ZNF563: variants seen among roughly 807,000 people sequenced by gnomAD.
ZNF563 encodes the protein zinc finger protein 563.
ZNF563 carries 39 observed loss-of-function variants against 48.5 expected under a neutral mutation model. That is an observed-to-expected ratio of 0.80 (90% CI 0.62 to 1.05). The LOEUF is 1.05. ZNF563 is among the 50% of genes least tolerant of loss of function. ZNF563 has a pLI of 0.00. For missense variants in ZNF563, 538 were observed against 597.0 expected, an observed-to-expected ratio of 0.90 and a Z score of 1.03; for synonymous variants, 168 against 187.9, an observed-to-expected ratio of 0.89 and a Z score of 0.87.
Position 12,322,692 on chromosome 19 carries a change from T to A in ZNF563, c.23A>T (p.Asp8Val), listed in dbSNP as rs1225444162. The change falls in exon 2 of 4, where the codon GAT (aspartate) becomes GTT (valine). Residue 8 changes from aspartate to valine, a missense_variant. Coordinates refer to ENST00000293725, the MANE Select transcript of ZNF563 (RefSeq NM_145276.3). MDAVAFE[D>V]VAVNFTQEEW... is the part of the protein sequence containing the mutation. The stretch of plus-strand genomic sequence containing the variant: ...CTCCTGGGTGAAGTTCACAGCCACA[T>A]CCTCAAAGGCCACTGCGTCCTGAAA... 1 of 1,607,250 alleles carries A rather than the reference T, an allele frequency of 6.2e-7. No individual in the cohort carries two copies. The highest frequency in any genetic ancestry group is 1.1e-5 in the South Asian group (1 of 90,836).
At chr19:12,321,780 G>T (rs914103883) in intron 2 of ZNF563, among the ~76,000 whole-genome samples, 2 of 152,036 alleles carry the variant, frequency 1.3e-5, no homozygotes, top group Admixed American at 1.3e-4. Flanking sequence ...TGTTTGAACT[G>T]CACAGCTCCA....
Position 12,333,487 on chromosome 19 carries a change from C to T in ZNF563, c.-5G>A, listed in dbSNP as rs1053728221. On this transcript the variant is annotated 5_prime_UTR_variant, in exon 1 of 4. Coordinates refer to ENST00000293725, the MANE Select transcript of ZNF563 (RefSeq NM_145276.3). ...CTGACCCTGCACACGCACCATTTCCCGGCTTCCGGGATGTTCCAGGGTCCT... is the reference window on the plus strand; with the variant it reads ...CTGACCCTGCACACGCACCATTTCCTGGCTTCCGGGATGTTCCAGGGTCCT... 2 of 1,613,310 alleles carry T rather than the reference C, an allele frequency of 1.2e-6. No homozygotes were observed. The highest frequency in any genetic ancestry group is 4.5e-5 in the East Asian group (2 of 44,788).
upstream of ZNF563, among the ~76,000 whole-genome samples, chr19:12,334,373 G>A (rs77088790): frequency 1.0e-2 from 1,518 of 152,078 alleles, 30 homozygotes; most frequent in African/African-American, 0.035. Context: ...CCATTCAGGA[G>A]GCTAAACATA....
rs1162506823 is a variant in ZNF563, at chr19:12,319,669, T to C, written c.356A>G (p.Asn119Ser). The C allele has an allele frequency of 3.7e-6, 6 of 1,614,202 alleles. No individual in the cohort carries two copies. The highest frequency in any genetic ancestry group is 2.2e-5 in the East Asian group (1 of 44,884). ...EEVIMGHLSL[N>S]SHIRVDSGHK... ...TCCAGAATCAACTCTGATGTGGCTA[T>C]TAAGGGATAAATGACCCATTATGAC... The change falls in exon 4 of 4, where the codon AAT (asparagine) becomes AGT (serine). Residue 119 changes from asparagine to serine, a missense_variant. Physicochemically the swap from Asn to Ser is conservative, Grantham distance 46. Transcript: ENST00000293725.
Position 12,319,483 on chromosome 19 carries a change from C to T in ZNF563, c.542G>A (p.Arg181His), listed in dbSNP as rs756158317. The change falls in exon 4 of 4, where the codon CGT becomes CAT. Residue 181 changes from arginine to histidine, a missense_variant. Coordinates refer to ENST00000293725, the MANE Select transcript of ZNF563 (RefSeq NM_145276.3). ...CKECGKTFSSRRNLRRHMVVQ... is the reference protein window; with the variant it reads ...CKECGKTFSSHRNLRRHMVVQ... Reference sequence around the variant, plus strand: ...TACCATGTGTCTTCGAAGGTTTCTACGAGAACTGAAGGTTTTTCCACATTC... The same window carrying T: ...TACCATGTGTCTTCGAAGGTTTCTATGAGAACTGAAGGTTTTTCCACATTC... The T allele has an allele frequency of 2.7e-5, 44 of 1,614,058 alleles. No individual in the cohort carries two copies. Among genetic ancestry groups the T allele is most frequent in the East Asian group, 6.7e-5 (3 of 44,900 alleles).
chr19:12,325,316 C>T (rs1036911932), intron 1 of ZNF563, among the ~76,000 whole-genome samples: 2 of 152,010 alleles, frequency 1.3e-5, no homozygotes, highest in African/African-American at 4.8e-5. Flanking sequence ...CCCGTCTCTA[C>T]TAAAAATATA....
chr19:12,329,535 C>G (rs1008538446), intron 1 of ZNF563, among the ~76,000 whole-genome samples: 10 of 150,970 alleles, frequency 6.6e-5, no homozygotes, highest in Non-Finnish European at 1.2e-4. Context: ...CTGAAAAGAT[C>G]TGTAAAACTG....
At chr19:12,334,316 A>C (rs1392487148), upstream of ZNF563, among the ~76,000 whole-genome samples, 1 of 152,234 alleles carries the variant, frequency 6.6e-6, no homozygotes, top group African/African-American at 2.4e-5. Context: ...AAAAACTTGA[A>C]CTAGTGCAGA....
the ZNF563 span, among the ~76,000 whole-genome samples, chr19:12,341,049 TA>T: frequency 1.3e-5 from 2 of 152,148 alleles, no homozygotes; most frequent in Admixed American, 1.3e-4. Context: ...TAAAACCTAT[TA>T]TTTTTATTTA....
chr19:12,343,791 C>T, the ZNF563 span, among the ~76,000 whole-genome samples: 1 of 135,832 alleles, frequency 7.4e-6, no homozygotes, highest in East Asian at 2.2e-4. Context: ...AGTACAGTGG[C>T]GCGATCTTGG....
chr19:12,328,290 T>C (rs1343682102), intron 1 of ZNF563, among the ~76,000 whole-genome samples: 2 of 152,004 alleles, frequency 1.3e-5, no homozygotes, highest in Non-Finnish European at 2.9e-5. Context: ...CTGAGCAACA[T>C]AGTGAGACCT....
upstream of ZNF563, among the ~76,000 whole-genome samples, chr19:12,335,486 G>A (rs1214133957): frequency 1.3e-5 from 2 of 152,182 alleles, no homozygotes; most frequent in Non-Finnish European, 2.9e-5. Flanking sequence ...AAGATGAATC[G>A]TCTTGGGCCA....
chr19:12,338,851 TCAAAA>T, the ZNF563 span, among the ~76,000 whole-genome samples: 9,161 of 151,588 alleles, frequency 0.06, 626 homozygotes, highest in African/African-American at 0.17. Context: ...AGACTCCATC[TCAAAA>T]CAAAACAAAA....
At chr19:12,335,689 T>C (rs28405745), upstream of ZNF563, among the ~76,000 whole-genome samples, 7,416 of 152,288 alleles carry the variant, frequency 0.049, 598 homozygotes, top group African/African-American at 0.17. Flanking sequence ...TGCCTCATAC[T>C]GAGAAGGAAG....
At chr19:12,342,653 G>T in the ZNF563 span, among the ~76,000 whole-genome samples, 2 of 151,378 alleles carry the variant, frequency 1.3e-5, no homozygotes, top group African/African-American at 4.9e-5. Context: ...TGCACCTATA[G>T]CCCCAATTAC....
At chr19:12,342,478 C>CAAA in the ZNF563 span, among the ~76,000 whole-genome samples, 16 of 144,138 alleles carry the variant, frequency 1.1e-4, no homozygotes, top group African/African-American at 3.8e-4. Flanking sequence ...TCAAAAAAAA[C>CAAA]AAAAAAAAAA....
the ZNF563 span, among the ~76,000 whole-genome samples, chr19:12,343,738 T>C: frequency 6.9e-6 from 1 of 145,390 alleles, no homozygotes; most frequent in Non-Finnish European, 1.5e-5. Flanking sequence ...TTTTTTTTTT[T>C]TTTTTTTTTT....
At position 12,319,193 on chromosome 19, in the gene ZNF563, C is replaced by T. The variant is rs772146150; in HGVS notation, c.832G>A (p.Glu278Lys). The change falls in exon 4 of 4, where the codon GAG becomes AAG. Residue 278 changes from glutamate (E) to lysine (K), a missense_variant. Physicochemically the swap from Glu to Lys is moderately conservative, Grantham distance 56. Coordinates refer to ENST00000293725, the MANE Select transcript of ZNF563 (RefSeq NM_145276.3). ...CACTGTTTACATGTATATGGTTTCTCTCCAGTGTGAGTTCTTTCATGTCTT... is the reference window on the plus strand; with the variant it reads ...CACTGTTTACATGTATATGGTTTCTTTCCAGTGTGAGTTCTTTCATGTCTT... ...YIRHERTHTG[E>K]KPYTCKQCGK... 6.2e-7 allele frequency: 1 copy of T among 1,614,130 alleles called. No homozygotes were observed. Among genetic ancestry groups the T allele is most frequent in the East Asian group, 2.2e-5 (1 of 44,880 alleles).
intron 1 of ZNF563, among the ~76,000 whole-genome samples, chr19:12,325,334 G>C (rs922920362): frequency 6.6e-6 from 1 of 152,072 alleles, no homozygotes; most frequent in Non-Finnish European, 1.5e-5. Context: ...ATAAAAATTA[G>C]CCACGCTTGG....
Sources: gnomAD v4.1 joint callset for allele counts (sites outside exome capture counted in the v4.1 genomes callset) on GRCh38, gnomAD v4.1.1 for gene constraint, MANE v1.5 for transcripts, NCBI Gene and HGNC (gene_info 2026-07-23, HGNC 2026-07-21) for gene names.